MMP20: variants seen among roughly 807,000 people sequenced by gnomAD.
The protein encoded by MMP20 is matrix metallopeptidase 20, also known as matrix metalloproteinase-20.
In MMP20, 50 loss-of-function variants were observed where a neutral mutation model predicts 51.8. The ratio of observed to expected loss-of-function variants is 0.97; its 90% CI spans 0.77 to 1.22. The LOEUF (loss-of-function observed/expected upper bound fraction) is 1.22, where lower values mean the gene tolerates loss of function less well. Ranked by LOEUF, MMP20 falls within the 50% of genes most tolerant of loss-of-function variation. The pLI, the probability that MMP20 is intolerant of heterozygous loss-of-function variation, is 0.00. For synonymous variants in MMP20, 244 were observed against 216.2 expected (o/e 1.13, Z -1.13); for missense variants, 663 against 601.4 (o/e 1.10, Z -1.07).
Position 102,625,231 on chromosome 11 carries a change from G to C in MMP20, c.89C>G (p.Ser30Cys), listed in dbSNP as rs578249079. 1 of 1,613,932 alleles carries C rather than the reference G, an allele frequency of 6.2e-7. No homozygotes were observed. The highest frequency in any genetic ancestry group is 8.5e-7 in the Non-Finnish European group (1 of 1,179,932). The change falls in exon 1 of 10, where the codon TCC becomes TGC. Residue 30 changes from serine (S) to cysteine (C), a missense_variant. Transcript: ENST00000260228. ...GTAGTTGTTCCTCCAGGTCCTGGGG[G>C]AGGCTGCAACTAGGGAGGGGGCTGC... is the stretch of plus-strand genomic sequence containing the variant. ...STAAPSLVAA[S>C]PRTWRNNYRL...
chr11:102,600,933 T>TA (rs1480357787), intron 6 of MMP20, among the ~76,000 whole-genome samples: 6 of 151,810 alleles, frequency 4.0e-5, no homozygotes, highest in African/African-American at 1.2e-4. Flanking sequence ...GTTGATCACT[T>TA]AAAAAAAATA....
At chr11:102,621,152 C>A (rs1859745823) in intron 1 of MMP20, among the ~76,000 whole-genome samples, 1 of 152,206 alleles carries the variant, frequency 6.6e-6, no homozygotes, top group Non-Finnish European at 1.5e-5. Context: ...TGAGAGGACT[C>A]CTGTACAATG....
At chr11:102,589,083 A>G (rs1859284985) in intron 8 of MMP20, among the ~76,000 whole-genome samples, 1 of 152,196 alleles carries the variant, frequency 6.6e-6, no homozygotes, top group African/African-American at 2.4e-5. Context: ...TCTCCCTAGA[A>G]AGGCATTGAC....
intron 6 of MMP20, among the ~76,000 whole-genome samples, chr11:102,603,386 C>A (rs1010263138): frequency 2.0e-5 from 3 of 152,180 alleles, no homozygotes; most frequent in African/African-American, 7.2e-5. Context: ...CATGGGATTC[C>A]AGCTCTGGAC....
chr11:102,619,028 T>C (rs1424182462), intron 1 of MMP20, among the ~76,000 whole-genome samples: 2 of 152,082 alleles, frequency 1.3e-5, no homozygotes, highest in Admixed American at 6.6e-5. Context: ...GAACATGGGG[T>C]GCCCAGGCTC....
At chr11:102,578,875 T>A (rs1383960309) in intron 9 of MMP20, among the ~76,000 whole-genome samples, 164 bp downstream of exon 9, 1 of 152,262 alleles carries the variant, frequency 6.6e-6, no homozygotes, top group Non-Finnish European at 1.5e-5. Flanking sequence ...TTACAGTTAC[T>A]CTTTCTAGTG....
At chr11:102,605,698 C>G (rs1055678332) in intron 6 of MMP20, among the ~76,000 whole-genome samples, 1 of 152,134 alleles carries the variant, frequency 6.6e-6, no homozygotes. Flanking sequence ...TCCATAAACA[C>G]TTTTGCAATA....
chr11:102,585,310 C>T (rs1026259699), intron 8 of MMP20, among the ~76,000 whole-genome samples: 1 of 152,098 alleles, frequency 6.6e-6, no homozygotes, highest in African/African-American at 2.4e-5. Context: ...TACAAAACAA[C>T]ATTTTCCATT....
chr11:102,589,974 G>T (rs1859299119), intron 8 of MMP20, among the ~76,000 whole-genome samples: 1 of 152,134 alleles, frequency 6.6e-6, no homozygotes, highest in Non-Finnish European at 1.5e-5. Flanking sequence ...CAGCAATGAT[G>T]CCCCGAGTCT....
At chr11:102,591,727 T>A (rs1306900022) in intron 8 of MMP20, among the ~76,000 whole-genome samples, 3 of 152,158 alleles carry the variant, frequency 2.0e-5, no homozygotes, top group African/African-American at 7.2e-5. Context: ...AGAGGCCCAG[T>A]TGGAAAGGTA....
At chr11:102,608,864 G>A (rs1859554165) in intron 5 of MMP20, 73 bp downstream of exon 5, 1 of 1,470,824 alleles carries the variant, frequency 6.8e-7, no homozygotes, top group South Asian at 1.1e-5. Context: ...CAGATAAAAT[G>A]CACTTTCTTT....
Position 102,577,265 on chromosome 11 carries a change from A to G in MMP20, c.*61T>C. 8.8e-7 allele frequency: 1 copy of G among 1,134,940 alleles called. No homozygotes were observed. Among genetic ancestry groups the G allele is most frequent in the Non-Finnish European group, 1.3e-6 (1 of 743,890 alleles). 70.3% of individuals were successfully genotyped at this position (1,134,940 alleles called of 1,614,324 possible). On this transcript the variant is annotated 3_prime_UTR_variant, in exon 10 of 10. Transcript: ENST00000260228. The stretch of plus-strand genomic sequence containing the variant: ...CTCCTACATTCTGCTTTAGTCCTTA[A>G]GATCCAGTTAGAGGCTGCTTGTAGT...
chr11:102,578,929 T>C (rs1859161131), intron 9 of MMP20, 110 bp downstream of exon 9: 6 of 787,830 alleles, frequency 7.6e-6, no homozygotes, highest in Non-Finnish European at 1.3e-5. Flanking sequence ...TAAGACCAAA[T>C]ATAAAAACCA....
intron 6 of MMP20, 61 bp downstream of exon 6, chr11:102,606,474 G>C (rs978602423): frequency 6.2e-7 from 1 of 1,607,240 alleles, no homozygotes; most frequent in African/African-American, 1.3e-5. Flanking sequence ...CCTGTGGGAC[G>C]ACGTTTGTCT....
intron 8 of MMP20, among the ~76,000 whole-genome samples, chr11:102,590,771 C>T (rs1165803840): frequency 2.0e-5 from 3 of 152,178 alleles, no homozygotes; most frequent in African/African-American, 7.2e-5. Context: ...TGGCCATGTG[C>T]TTACCTACAA....
intron 1 of MMP20, among the ~76,000 whole-genome samples, chr11:102,622,695 C>T (rs933161431): frequency 3.3e-5 from 5 of 152,148 alleles, no homozygotes; most frequent in African/African-American, 1.2e-4. Flanking sequence ...TATCTTCTCC[C>T]AGCACCTTCC....
At chr11:102,613,140 C>T (rs957010127) in intron 2 of MMP20, among the ~76,000 whole-genome samples, 1 of 152,248 alleles carries the variant, frequency 6.6e-6, no homozygotes, top group Non-Finnish European at 1.5e-5. Context: ...GTGACGATGA[C>T]ACCTGAAGGC....
chr11:102,604,937 G>T (rs563325680), intron 6 of MMP20, among the ~76,000 whole-genome samples: 23 of 152,240 alleles, frequency 1.5e-4, no homozygotes, highest in African/African-American at 5.3e-4. Flanking sequence ...CGTCAGGAGG[G>T]ACATAAAACA....
chr11:102,602,263 C>T (rs892073955), intron 6 of MMP20, among the ~76,000 whole-genome samples: 12 of 146,536 alleles, frequency 8.2e-5, no homozygotes, highest in Non-Finnish European at 1.8e-4. Flanking sequence ...CCACCGCGCC[C>T]GGCCAAAAAT....
Sources: allele counts gnomAD v4.1 joint callset (sites outside exome capture counted in the v4.1 genomes callset), GRCh38; gene constraint gnomAD v4.1.1; transcripts MANE v1.5; gene names NCBI Gene and HGNC (gene_info 2026-07-23, HGNC 2026-07-21).